The following SF1 variants were observed in gnomAD, a reference collection of about 807,000 sequenced individuals.
SF1 encodes the protein branch point-binding protein.
In SF1, 7 loss-of-function variants were observed where a neutral mutation model predicts 62.5. The observed-to-expected ratio is 0.11, with a 90% CI of 0.06 to 0.21. The LOEUF (loss-of-function observed/expected upper bound fraction) is 0.21. Among genes scored for constraint, SF1 ranks in the 10% least tolerant of loss-of-function variants. The probability of loss-of-function intolerance (pLI) is 1.00; values close to 1 mark genes in which losing one functional copy is unlikely to be tolerated. For missense variants in SF1, 578 were observed against 884.0 expected (o/e 0.65, Z 4.39); for synonymous variants, 394 against 323.6 (o/e 1.22, Z -2.33).
chr11:64,778,436 G>T lies in SF1; in HGVS notation c.-44C>A, dbSNP rs1336261055. 1.6e-6 allele frequency: 2 copies of T among 1,220,654 alleles called. No homozygotes were observed. Among genetic ancestry groups the T allele is most frequent in the Non-Finnish European group, 1.0e-6 (1 of 979,636 alleles). 75.6% of individuals were successfully genotyped at this position (1,220,654 alleles called of 1,614,324 possible). ...CACCGGCACCTGCTTTTCCTCTGCG[G>T]CGGCTTCTCCTTCGCAAGCCTCCCG... On this transcript the variant is annotated 5_prime_UTR_variant, in exon 1 of 13. Coordinates refer to ENST00000377390, the MANE Select transcript of SF1 (RefSeq NM_004630.4).
intron 5 of SF1, 72 bp from the exon 6 acceptor site, chr11:64,769,681 T>C: frequency 7.1e-7 from 1 of 1,411,262 alleles, no homozygotes; most frequent in Middle Eastern, 1.8e-4. Flanking sequence ...GCTGGACCAA[T>C]TTGGCATTGG....
At chr11:64,776,784 G>A (rs1592530387) in intron 1 of SF1, among the ~76,000 whole-genome samples, 158 bp from the exon 2 acceptor site, 1 of 152,158 alleles carries the variant, frequency 6.6e-6, no homozygotes, top group African/African-American at 2.4e-5. Flanking sequence ...AAACCTCAGA[G>A]ATCAGAGATT....
rs756002555 is a variant in SF1 at position 64,767,634 on chromosome 11, G to C, written c.1279C>G (p.Pro427Ala). 2.0e-5 allele frequency: 32 copies of C among 1,593,640 alleles called. No homozygotes were observed. The highest frequency in any genetic ancestry group is 2.6e-5 in the Non-Finnish European group (30 of 1,170,214). Reference sequence around the variant, plus strand: ...CCCTGGTTCATCGGTGGTGGTGGTGGCTGCATCCAAGGGGGTGGGGGTCCA... The same window carrying C: ...CCCTGGTTCATCGGTGGTGGTGGTGCCTGCATCCAAGGGGGTGGGGGTCCA... ...PNGPPPPWMQPPPPPMNQGPH... is the reference protein window; with the variant it reads ...PNGPPPPWMQAPPPPMNQGPH... The change falls in exon 10 of 13, where the codon CCA becomes GCA. Residue 427 changes from proline to alanine, a missense_variant. By Grantham distance (27) the Pro-to-Ala change is conservative. Around this residue, in one of 7 missense-constraint regions of SF1, gnomAD observed 410 missense variants for 452.4 expected, o/e 0.91. Coordinates refer to ENST00000377390, the MANE Select transcript of SF1 (RefSeq NM_004630.4).
rs562491698 is a variant in SF1, at chr11:64,765,721, G to A, written c.*97C>T. ...CATGCGTGCACACACAATCACATGC[G>A]TGCGTCCCAATGTCTGGCTCCATAT... is the stretch of plus-strand genomic sequence containing the variant. On this transcript the variant is annotated 3_prime_UTR_variant, in exon 13 of 13. Coordinates refer to ENST00000377390, the MANE Select transcript of SF1 (RefSeq NM_004630.4). 8.9e-6 allele frequency: 13 copies of A among 1,463,750 alleles called. No homozygotes were observed. The highest frequency in any genetic ancestry group is 8.7e-5 in the South Asian group (6 of 69,140). 90.7% of individuals were successfully genotyped at this position (1,463,750 alleles called of 1,614,324 possible).
At position 64,765,289 on chromosome 11, in the gene SF1, G is replaced by A. The variant is rs1327445882; in HGVS notation, c.*529C>T. 4 of 613,380 alleles carry A rather than the reference G, an allele frequency of 6.5e-6. No individual in the cohort carries two copies. The highest frequency in any genetic ancestry group is 5.6e-5 in the East Asian group (2 of 35,742). 38.0% of individuals were successfully genotyped at this position (613,380 alleles called of 1,614,324 possible). On this transcript the variant is annotated 3_prime_UTR_variant, in exon 13 of 13. Transcript: ENST00000377390. Reference sequence around the variant, plus strand: ...AGCATCTCCTTGGACGGAGTCTGAAGAAAGGAAAAGATAAAGAAGTAACAA... The same window carrying A: ...AGCATCTCCTTGGACGGAGTCTGAAAAAAGGAAAAGATAAAGAAGTAACAA...
intron 3 of SF1, chr11:64,773,145 CT>C: frequency 2.4e-6 from 3 of 1,244,942 alleles, no homozygotes; most frequent in Non-Finnish European, 2.0e-6. Flanking sequence ...TCACTGTCCC[CT>C]AAGGGTGGGT....
Position 64,765,078 on chromosome 11 carries a change from T to G in SF1, c.*740A>C. 1 of 167,638 alleles carries G rather than the reference T, an allele frequency of 6.0e-6. No individual in the cohort carries two copies. The highest frequency in any genetic ancestry group is 1.3e-5 in the Non-Finnish European group (1 of 77,998). 10.4% of individuals were successfully genotyped at this position (167,638 alleles called of 1,614,324 possible). A position where few individuals can be genotyped will look rare whatever the true frequency, so the allele number is the denominator to read the frequency against. ...ACTCCCTTGACAAGGGTGGCAGAGA[T>G]TAAAAAACCCCACGCTTTAAACAAA... On this transcript the variant is annotated 3_prime_UTR_variant, in exon 13 of 13. Transcript: ENST00000377390.
chr11:64,768,365 A>G (rs1937691149), intron 8 of SF1, 79 bp from the exon 9 acceptor site: 5 of 1,379,042 alleles, frequency 3.6e-6, no homozygotes, highest in East Asian at 4.6e-5. Flanking sequence ...AGGAACCAAC[A>G]TATGGAAAGT....
intron 8 of SF1, 42 bp from the exon 9 acceptor site, chr11:64,768,328 C>T: frequency 1.3e-6 from 2 of 1,585,894 alleles, no homozygotes; most frequent in South Asian, 1.1e-5. Flanking sequence ...AGGGGAAAAA[C>T]TTGTTAAGAA....
rs966597038 is a variant in SF1, at chr11:64,765,149, T to C, written c.*669A>G. Reference sequence around the variant, plus strand: ...GCACCTTGAAAAACCCACAACCAGCTTGACATGAATGGCCAAAGCCCTTGC... The same window carrying C: ...GCACCTTGAAAAACCCACAACCAGCCTGACATGAATGGCCAAAGCCCTTGC... On this transcript the variant is annotated 3_prime_UTR_variant, in exon 13 of 13. Coordinates refer to ENST00000377390, the MANE Select transcript of SF1 (RefSeq NM_004630.4). 1.4e-5 allele frequency: 4 copies of C among 290,110 alleles called. No homozygotes were observed. The East Asian group carries it at 1.8e-4, about 13-fold the overall frequency. 18.0% of individuals were successfully genotyped at this position (290,110 alleles called of 1,614,324 possible).
intron 1 of SF1, chr11:64,778,160 G>T: frequency 1.1e-6 from 1 of 881,524 alleles, no homozygotes; most frequent in Non-Finnish European, 1.4e-6. Context: ...CTGGGGAGGC[G>T]GAGGGGGCGG....
rs1937871878 is a variant in SF1, at chr11:64,769,134, T to C, written c.780-5A>G. 3.7e-6 allele frequency: 6 copies of C among 1,613,458 alleles called. No individual in the cohort carries two copies. The highest frequency in any genetic ancestry group is 5.1e-6 in the Non-Finnish European group (6 of 1,179,368). ...CTCTGCCAGGGTCTTAAGATCCTATTAAAGGAAAAAGAGGTCAATGCAAGG... is the reference window on the plus strand; with the variant it reads ...CTCTGCCAGGGTCTTAAGATCCTATCAAAGGAAAAAGAGGTCAATGCAAGG... On this transcript the variant is annotated splice_polypyrimidine_tract_variant and splice_region_variant and intron_variant, in intron 7 of 12. Transcript: ENST00000377390.
In SF1 at chr11:64,766,951, G is replaced by A. The variant is rs948776905; in HGVS notation, c.1531C>T (p.Pro511Ser). The change falls in exon 12 of 13, where the codon CCT (proline) becomes TCT (serine). Residue 511 changes from proline to serine, a missense_variant. Pro to Ser is a moderately conservative substitution (Grantham distance 74, BLOSUM62 -1). This residue lies in a region of SF1 where 410 missense variants were observed against 452.4 expected (regional missense o/e 0.91). Transcript: ENST00000377390. ...QQQQQQPPPP[P>S]PPSSSMASST... Reference sequence around the variant, plus strand: ...GAAGCCATACTGCTGCTGGGCGGAGGGGGTGGCGGAGGCTGCTGCTGCTGT... The same window carrying A: ...GAAGCCATACTGCTGCTGGGCGGAGAGGGTGGCGGAGGCTGCTGCTGCTGT... 8.7e-6 allele frequency: 13 copies of A among 1,497,432 alleles called. No individual in the cohort carries two copies. The highest frequency in any genetic ancestry group is 1.4e-5 in the African/African-American group (1 of 71,148). 92.8% of individuals were successfully genotyped at this position (1,497,432 alleles called of 1,614,324 possible).
chr11:64,768,307 C>A (rs1937676540), intron 8 of SF1, 21 bp from the exon 9 acceptor site: 2 of 1,606,110 alleles, frequency 1.2e-6, no homozygotes, highest in South Asian at 2.2e-5. Context: ...GTGGGGGACA[C>A]AAACAGAGAA....
In SF1 at chr11:64,771,921, A is replaced by G. The variant is rs187323708; in HGVS notation, c.236+1509T>C. 3 of 985,446 alleles carry G rather than the reference A, an allele frequency of 3.0e-6. No individual in the cohort carries two copies. The African/African-American group carries it at 5.2e-5, about 17-fold the overall frequency. 61.0% of individuals were successfully genotyped at this position (985,446 alleles called of 1,614,324 possible). On this transcript the variant is annotated intron_variant, in intron 3 of 12. Coordinates refer to ENST00000377390, the MANE Select transcript of SF1 (RefSeq NM_004630.4). ...CCTCTTTCAAAACTGAATAGAAGGGAGGAAAAACCCTGCTCTGGTTTTATT... is the reference window on the plus strand; with the variant it reads ...CCTCTTTCAAAACTGAATAGAAGGGGGGAAAAACCCTGCTCTGGTTTTATT...
At chr11:64,771,417 A>T in intron 3 of SF1, 1 of 972,444 alleles carries the variant, frequency 1.0e-6, no homozygotes, top group Non-Finnish European at 1.2e-6. Context: ...GACCATGTGG[A>T]TCAGGTTATT....
At chr11:64,777,349 GA>G (rs748267229) in intron 1 of SF1, 82 of 274,170 alleles carry the variant, frequency 3.0e-4, no homozygotes, top group Non-Finnish European at 4.3e-4. Context: ...GGATCAGAGG[GA>G]AAAGCTTTTT....
chr11:64,771,760 C>T (rs1592492498), intron 3 of SF1: 1 of 984,912 alleles, frequency 1.0e-6, no homozygotes, highest in African/African-American at 1.7e-5. Flanking sequence ...TTTTACTGTG[C>T]AAGTTAAGCA....
In SF1 at chr11:64,767,179, A is replaced by C; in HGVS notation, c.1402+13T>G. 1 of 1,614,010 alleles carries C rather than the reference A, an allele frequency of 6.2e-7. No homozygotes were observed. The highest frequency in any genetic ancestry group is 8.5e-7 in the Non-Finnish European group (1 of 1,179,898). On this transcript the variant is annotated intron_variant, in intron 11 of 12. Coordinates refer to ENST00000377390, the MANE Select transcript of SF1 (RefSeq NM_004630.4). The stretch of plus-strand genomic sequence containing the variant: ...GCCTAGGTGAAGACCCACAGCCAGC[A>C]GACAGCCATTACCTTTTCCTTGATG...
Sources: allele counts gnomAD v4.1 joint callset (sites outside exome capture counted in the v4.1 genomes callset), GRCh38; gene constraint gnomAD v4.1.1; regional missense constraint gnomAD v4.1.1; transcripts MANE v1.5; gene names NCBI Gene and HGNC (gene_info 2026-07-23, HGNC 2026-07-21).